FER1L6: variants seen among roughly 807,000 people sequenced by gnomAD.
FER1L6 encodes fer-1 like family member 6, also known as fer-1-like protein 6.
Under a neutral mutation model 219.2 loss-of-function variants are expected in FER1L6, and 177 were observed. The ratio of observed to expected loss-of-function variants is 0.81; its 90% CI spans 0.71 to 0.91. The LOEUF (loss-of-function observed/expected upper bound fraction) is 0.91. Ranked by LOEUF, FER1L6 falls within the 40% of genes least tolerant of loss-of-function variation. The probability of loss-of-function intolerance (pLI) is 0.00; values close to 1 mark genes in which losing one functional copy is unlikely to be tolerated. For synonymous variants in FER1L6, 768 were observed against 824.3 expected, an observed-to-expected ratio of 0.93 and a Z score of 1.17; for missense variants, 2,153 against 2,259.9, an observed-to-expected ratio of 0.95 and a Z score of 0.96.
rs140820866 is a variant in FER1L6, at chr8:123,976,827, G to A, written c.871-590G>A. On this transcript the variant is annotated intron_variant, in intron 9 of 40. Transcript: ENST00000522917. Reference sequence around the variant, plus strand: ...CTTGTCTTATGTAAGCCTGGACATCGCTTTTCCCTGCTCAGGAGCCATTGG... The same window carrying A: ...CTTGTCTTATGTAAGCCTGGACATCACTTTTCCCTGCTCAGGAGCCATTGG... Among the ~76,000 whole-genome samples, 804 of 152,240 alleles carry A rather than the reference G, an allele frequency of 5.3e-3. 4 individuals are homozygous for A. Among genetic ancestry groups the A allele is most frequent in the African/African-American group, 0.018 (765 of 41,546 alleles).
chr8:124,067,729 G>C, intron 27 of FER1L6, 38 bp from the exon 28 acceptor site: 1 of 1,558,734 alleles, frequency 6.4e-7, no homozygotes, highest in Non-Finnish European at 8.8e-7. Context: ...AATAAATCAA[G>C]TATTGTGGTG....
At chr8:123,989,150 C>A (rs1249197230) in intron 12 of FER1L6, among the ~76,000 whole-genome samples, 11 of 152,100 alleles carry the variant, frequency 7.2e-5, no homozygotes, top group African/African-American at 2.7e-4. Context: ...ATTGAACTAT[C>A]TTTGCATCCT....
chr8:124,034,159 AAAG>A (rs537566374), intron 18 of FER1L6, among the ~76,000 whole-genome samples: 10 of 150,318 alleles, frequency 6.7e-5, no homozygotes, highest in Admixed American at 1.3e-4. Context: ...TAAAAAAAAA[AAAG>A]AAGAAGAAGA....
intron 1 of FER1L6, among the ~76,000 whole-genome samples, chr8:123,916,606 TTGAG>T (rs1447102944): frequency 6.6e-6 from 1 of 152,168 alleles, no homozygotes; most frequent in Non-Finnish European, 1.5e-5. Flanking sequence ...GCGCTCTGCT[TTGAG>T]TGAAGAGAGA....
rs1168516208 is a variant in FER1L6, at chr8:124,057,062, A to G, written c.2875-3118A>G. ...GTCTCAAAAAAACAAAAAAACAAAA[A>G]CAAAAAACCTTCCAGTAGATAGAGA... On this transcript the variant is annotated intron_variant, in intron 22 of 40. Coordinates refer to ENST00000522917, the MANE Select transcript of FER1L6 (RefSeq NM_001039112.2). Among the ~76,000 whole-genome samples, 5 of 152,018 alleles carry G rather than the reference A, an allele frequency of 3.3e-5. No individual in the cohort carries two copies. The South Asian group carries it at 1.0e-3, about 32-fold the overall frequency.
rs989257469 is a variant in FER1L6, at chr8:124,004,647, C to T, written c.1700+1300C>T. 3.3e-5 allele frequency among the ~76,000 whole-genome samples: 5 copies of T among 152,066 alleles called. No homozygotes were observed. In the South Asian group the frequency reaches 6.2e-4, roughly 19 times the overall value. On this transcript the variant is annotated intron_variant, in intron 13 of 40. Transcript: ENST00000522917. ...TTCACAGACAACTTTTCTTCTTTCCCTATTTTTCCTATCTCTCAGCCCACC... is the reference window on the plus strand; with the variant it reads ...TTCACAGACAACTTTTCTTCTTTCCTTATTTTTCCTATCTCTCAGCCCACC...
Position 123,868,143 on chromosome 8 carries a change from G to A in FER1L6, c.-8+15958G>A, listed in dbSNP as rs1816868500. ...CCTTCTCCCCTCATTTATTGGATGG[G>A]AATAAAGTACCAGTACAGTGGGAAC... On this transcript the variant is annotated intron_variant, in intron 1 of 40. Coordinates refer to ENST00000522917, the MANE Select transcript of FER1L6 (RefSeq NM_001039112.2). 2.0e-5 allele frequency among the ~76,000 whole-genome samples: 3 copies of A among 152,030 alleles called. No homozygotes were observed. In the South Asian group the frequency reaches 6.2e-4, roughly 32 times the overall value.
At chr8:124,054,482 A>C (rs368798694) in intron 22 of FER1L6, among the ~76,000 whole-genome samples, 2 of 152,224 alleles carry the variant, frequency 1.3e-5, no homozygotes, top group African/African-American at 4.8e-5. Context: ...ATTAGACCAC[A>C]AAACATTTTT....
intron 22 of FER1L6, among the ~76,000 whole-genome samples, chr8:124,059,222 A>G (rs1201827877): frequency 6.6e-6 from 1 of 152,222 alleles, no homozygotes; most frequent in Admixed American, 6.5e-5. Flanking sequence ...GCAATGTTTA[A>G]TAGAACATAT....
intron 39 of FER1L6, among the ~76,000 whole-genome samples, chr8:124,117,688 A>G (rs956151969): frequency 6.6e-6 from 1 of 152,094 alleles, no homozygotes; most frequent in African/African-American, 2.4e-5. Flanking sequence ...CTCCCTCTCT[A>G]TCCCTCAACC....
rs757208850 is a variant in FER1L6, at chr8:124,060,543, C to T, written c.2986-5C>T. 31 of 1,613,492 alleles carry T rather than the reference C, an allele frequency of 1.9e-5. No individual in the cohort carries two copies. In the East Asian group the frequency reaches 6.5e-4, roughly 34 times the overall value. ...TGGTGATGGCTCTGCTGGTCTTTTC[C>T]TCAGGTTCTCTTCTGGGGAGTTCGG... On this transcript the variant is annotated splice_polypyrimidine_tract_variant and splice_region_variant and intron_variant, in intron 23 of 40. Coordinates refer to ENST00000522917, the MANE Select transcript of FER1L6 (RefSeq NM_001039112.2).
intron 2 of FER1L6, among the ~76,000 whole-genome samples, chr8:123,957,609 G>A (rs924906994): frequency 3.3e-5 from 5 of 152,162 alleles, no homozygotes; most frequent in Non-Finnish European, 7.3e-5. Context: ...GTTTGCCCCA[G>A]GTCACACAGC....
chr8:124,006,183 G>A (rs1817648195), intron 13 of FER1L6, among the ~76,000 whole-genome samples: 1 of 152,214 alleles, frequency 6.6e-6, no homozygotes, highest in Non-Finnish European at 1.5e-5. Flanking sequence ...ACTGGGGCCA[G>A]GCAGTGAAGA....
intron 19 of FER1L6, 148 bp from the exon 20 acceptor site, chr8:124,039,734 C>T (rs1819390488): frequency 1.0e-6 from 1 of 980,510 alleles, no homozygotes. Context: ...GACTTCCATT[C>T]CTGTCTCAGA....
intron 20 of FER1L6, 94 bp from the exon 21 acceptor site, chr8:124,045,671 TTC>T: frequency 1.5e-6 from 2 of 1,318,876 alleles, no homozygotes; most frequent in Non-Finnish European, 2.1e-6. Flanking sequence ...TGATGATGTG[TTC>T]TCTTTCCCCT....
At chr8:124,097,143 A>G (rs1822339694) in intron 35 of FER1L6, 128 bp from the exon 36 acceptor site, 1 of 530,090 alleles carries the variant, frequency 1.9e-6, no homozygotes, top group South Asian at 3.3e-5. Context: ...ATATACATCT[A>G]TAAAACTACC....
chr8:123,876,451 C>T (rs1038378695), intron 1 of FER1L6, among the ~76,000 whole-genome samples: 20 of 151,952 alleles, frequency 1.3e-4, no homozygotes, highest in African/African-American at 4.4e-4. Context: ...CCCAAGTAGC[C>T]GGAACTACAG....
At chr8:123,927,290 G>A (rs551827942) in intron 1 of FER1L6, among the ~76,000 whole-genome samples, 3 of 152,004 alleles carry the variant, frequency 2.0e-5, no homozygotes, top group Non-Finnish European at 4.4e-5. Flanking sequence ...CTCGTGATTT[G>A]GCTGAAGCGA....
chr8:123,991,302 A>G (rs759052651), intron 12 of FER1L6, among the ~76,000 whole-genome samples: 7 of 152,198 alleles, frequency 4.6e-5, no homozygotes, highest in Non-Finnish European at 7.3e-5. Context: ...TTTGAGAAGT[A>G]TGGTCATTTT....
Sources: gnomAD v4.1 joint callset for allele counts (sites outside exome capture counted in the v4.1 genomes callset) on GRCh38, gnomAD v4.1.1 for gene constraint, MANE v1.5 for transcripts, NCBI Gene and HGNC (gene_info 2026-07-23, HGNC 2026-07-21) for gene names.